THSD4: variants seen among roughly 807,000 people sequenced by gnomAD.
THSD4 encodes the protein thrombospondin type-1 domain-containing protein 4.
A neutral mutation model predicts 119.0 loss-of-function variants in THSD4; 69 were observed. That is an observed-to-expected ratio of 0.58 (90% CI 0.48 to 0.71). The LOEUF (loss-of-function observed/expected upper bound fraction) is 0.71, where lower values mean the gene tolerates loss of function less well. Among genes scored for constraint, THSD4 ranks in the 30% least tolerant of loss-of-function variants. The pLI, the probability that THSD4 is intolerant of heterozygous loss-of-function variation, is 0.00. For synonymous variants in THSD4, 524 were observed against 540.4 expected, an observed-to-expected ratio of 0.97 and a Z score of 0.42; for missense variants, 1,393 against 1,391.1, an observed-to-expected ratio of 1.00 and a Z score of -0.02.
intron 7 of THSD4, among the ~76,000 whole-genome samples, chr15:71,629,683 C>T (rs1438830029): frequency 6.6e-6 from 1 of 152,172 alleles, no homozygotes; most frequent in Non-Finnish European, 1.5e-5. Context: ...CCCCACACCC[C>T]ACTCCACATC....
intron 7 of THSD4, among the ~76,000 whole-genome samples, chr15:71,437,666 C>G (rs1454004286): frequency 6.6e-6 from 1 of 152,174 alleles, no homozygotes; most frequent in East Asian, 1.9e-4. Flanking sequence ...AGCCCCAGCA[C>G]TGCAGTTAAT....
chr15:71,302,589 G>T (rs2044967448), intron 6 of THSD4, among the ~76,000 whole-genome samples: 1 of 151,854 alleles, frequency 6.6e-6, no homozygotes, highest in Non-Finnish European at 1.5e-5. Context: ...GGGAGTGGGG[G>T]TGGGGTGCTG....
At chr15:71,694,749 T>C (rs1465579739) in intron 8 of THSD4, among the ~76,000 whole-genome samples, 2 of 152,104 alleles carry the variant, frequency 1.3e-5, no homozygotes, top group Non-Finnish European at 2.9e-5. Context: ...CTGTGTAGCT[T>C]TGTCAGGAGA....
intron 7 of THSD4, among the ~76,000 whole-genome samples, chr15:71,564,010 A>AT (rs1220117920): frequency 6.6e-6 from 1 of 152,136 alleles, no homozygotes; most frequent in African/African-American, 2.4e-5. Context: ...AGTTTTCTTC[A>AT]TTTTACTTTT....
At chr15:71,199,656 GTGTGATGC>G (rs1567154717) in intron 3 of THSD4, among the ~76,000 whole-genome samples, 19 of 145,326 alleles carry the variant, frequency 1.3e-4, no homozygotes, top group South Asian at 4.5e-4. Context: ...TGGTGTGTGT[GTGTGATGC>G]ATGTGTGGAG....
chr15:71,631,221 G>T (rs1208253079), intron 7 of THSD4, among the ~76,000 whole-genome samples: 3 of 152,174 alleles, frequency 2.0e-5, no homozygotes, highest in South Asian at 2.1e-4. Flanking sequence ...CCCAAGTCAT[G>T]CAGAGTCCTG....
chr15:71,629,812 C>CT (rs138056720), intron 7 of THSD4, among the ~76,000 whole-genome samples: 8 of 152,322 alleles, frequency 5.3e-5, no homozygotes, highest in East Asian at 1.9e-4. Context: ...CTTTTCTATA[C>CT]TTTTTTCTCA....
At chr15:71,512,457 T>C (rs995008143) in intron 7 of THSD4, among the ~76,000 whole-genome samples, 1 of 152,220 alleles carries the variant, frequency 6.6e-6, no homozygotes, top group South Asian at 2.1e-4. Context: ...CAGTAAAACA[T>C]ATATAATGGA....
chr15:71,668,603 G>A (rs909943859), intron 8 of THSD4, among the ~76,000 whole-genome samples: 23 of 152,192 alleles, frequency 1.5e-4, no homozygotes, highest in Non-Finnish European at 2.6e-4. Flanking sequence ...ATACGGAAAG[G>A]AACTAGGACA....
intron 8 of THSD4, among the ~76,000 whole-genome samples, chr15:71,723,826 G>A (rs753209416): frequency 1.3e-5 from 2 of 152,038 alleles, no homozygotes; most frequent in Non-Finnish European, 2.9e-5. Flanking sequence ...CCAGCACTTT[G>A]GGAGGCCAAG....
At chr15:71,547,312 A>G in intron 7 of THSD4, 2 of 1,527,422 alleles carry the variant, frequency 1.3e-6, no homozygotes, top group Non-Finnish European at 1.8e-6. Flanking sequence ...GCCTAGCGGA[A>G]CTCCAGGGCT....
At chr15:71,252,966 C>T (rs1020079825) in intron 5 of THSD4, among the ~76,000 whole-genome samples, 3 of 152,192 alleles carry the variant, frequency 2.0e-5, no homozygotes, top group Non-Finnish European at 4.4e-5. Context: ...CGTCCGGGCC[C>T]AAGAAGCCTT....
At chr15:71,689,121 G>A (rs755885612) in intron 8 of THSD4, among the ~76,000 whole-genome samples, 1 of 152,186 alleles carries the variant, frequency 6.6e-6, no homozygotes, top group Non-Finnish European at 1.5e-5. Flanking sequence ...CTGAAAGATG[G>A]TTTATCTAAA....
chr15:71,185,839 C>G (rs2043595587), intron 3 of THSD4: 1 of 152,074 alleles, frequency 6.6e-6, no homozygotes, highest in South Asian at 2.1e-4. Flanking sequence ...CTGGAAGAGC[C>G]CGGAGCCTAA....
At chr15:71,481,124 A>T (rs1295907625) in intron 7 of THSD4, among the ~76,000 whole-genome samples, 1 of 152,206 alleles carries the variant, frequency 6.6e-6, no homozygotes, top group East Asian at 1.9e-4. Flanking sequence ...AAACAAATAA[A>T]AACCTGCATT....
intron 8 of THSD4, among the ~76,000 whole-genome samples, chr15:71,714,617 G>A (rs1036013438): frequency 6.6e-6 from 1 of 152,102 alleles, no homozygotes; most frequent in African/African-American, 2.4e-5. Flanking sequence ...AGGCCGAGTG[G>A]GGGTGGATCA....
chr15:71,500,369 G>A (rs558743657), intron 7 of THSD4, among the ~76,000 whole-genome samples: 3 of 152,030 alleles, frequency 2.0e-5, no homozygotes, highest in Non-Finnish European at 4.4e-5. Context: ...GTATATTCTG[G>A]ATATTAATCT....
chr15:71,251,197 T>C (rs1405823736), intron 5 of THSD4, among the ~76,000 whole-genome samples: 1 of 152,154 alleles, frequency 6.6e-6, no homozygotes, highest in African/African-American at 2.4e-5. Context: ...TATTTCTCTA[T>C]AGCTAGAAAA....
chr15:71,240,260 C>T (rs905662227), intron 4 of THSD4, among the ~76,000 whole-genome samples: 3 of 152,184 alleles, frequency 2.0e-5, no homozygotes, highest in African/African-American at 7.2e-5. Context: ...TGAGTGAGCT[C>T]CAGCAGGGCA....
Sources: allele counts gnomAD v4.1 joint callset (sites outside exome capture counted in the v4.1 genomes callset), GRCh38; gene constraint gnomAD v4.1.1; transcripts MANE v1.5; gene names NCBI Gene and HGNC (gene_info 2026-07-23, HGNC 2026-07-21).